ADAMTSL1: variants seen among roughly 807,000 people sequenced by gnomAD.
ADAMTSL1 encodes the protein ADAMTS-like protein 1.
Under a neutral mutation model 201.8 loss-of-function variants are expected in ADAMTSL1, and 126 were observed. The ratio of observed to expected loss-of-function variants is 0.62; its 90% CI spans 0.54 to 0.72. The LOEUF (loss-of-function observed/expected upper bound fraction) is 0.72. Among genes scored for constraint, ADAMTSL1 ranks in the 30% least tolerant of loss-of-function variants. The probability of loss-of-function intolerance (pLI) is 0.00; values close to 1 mark genes in which losing one functional copy is unlikely to be tolerated. For synonymous variants in ADAMTSL1, 1,121 were observed against 903.4 expected, an observed-to-expected ratio of 1.24 and a Z score of -4.32; for missense variants, 2,679 against 2,277.8, an observed-to-expected ratio of 1.18 and a Z score of -3.59.
intron 2 of ADAMTSL1, among the ~76,000 whole-genome samples, chr9:18,436,613 T>C (rs1819743797): frequency 6.6e-6 from 1 of 152,138 alleles, no homozygotes; most frequent in Non-Finnish European, 1.5e-5. Flanking sequence ...TAAACTGCCC[T>C]TGCCCAGGTC....
At chr9:17,936,590 G>C (rs1243129900) in intron 1 of ADAMTSL1, among the ~76,000 whole-genome samples, 1 of 152,164 alleles carries the variant, frequency 6.6e-6, no homozygotes, top group African/African-American at 2.4e-5. Context: ...TGCCGCTCAG[G>C]CCATAAATAC....
chr9:18,530,344 A>G (rs1199074601), intron 2 of ADAMTSL1, among the ~76,000 whole-genome samples: 3 of 152,278 alleles, frequency 2.0e-5, no homozygotes, highest in South Asian at 4.1e-4. Flanking sequence ...TTAGGTAAAA[A>G]ATTTTTAAAA....
At chr9:18,314,637 T>G (rs998078773) in intron 2 of ADAMTSL1, among the ~76,000 whole-genome samples, 1 of 151,886 alleles carries the variant, frequency 6.6e-6, no homozygotes, top group Non-Finnish European at 1.5e-5. Flanking sequence ...GCTGCAGACC[T>G]TTGCGGTGAG....
At chr9:18,798,780 T>C (rs897350133) in intron 20 of ADAMTSL1, among the ~76,000 whole-genome samples, 1 of 152,250 alleles carries the variant, frequency 6.6e-6, no homozygotes, top group Admixed American at 6.5e-5. Flanking sequence ...GTCCCGTAGA[T>C]CTGGTGTCTT....
Position 18,754,374 on chromosome 9 carries a change from A to T in ADAMTSL1, c.2217+866A>T, listed in dbSNP as rs376780357. 3.9e-5 allele frequency among the ~76,000 whole-genome samples: 6 copies of T among 152,342 alleles called. No homozygotes were observed. The East Asian group carries it at 1.2e-3, about 29-fold the overall frequency. ...AAACACAGGATTTTAGGTTGATTGC[A>T]TACAATCTTATTTTGCAGTTTGCTC... On this transcript the variant is annotated intron_variant, in intron 16 of 28. Transcript: ENST00000380548.
intron 1 of ADAMTSL1, among the ~76,000 whole-genome samples, chr9:18,125,179 G>A (rs981320411): frequency 6.6e-6 from 1 of 152,190 alleles, no homozygotes; most frequent in African/African-American, 2.4e-5. Context: ...CACAATCATG[G>A]TGGAAGGCAA....
chr9:18,682,968 G>C (rs1261119765), intron 12 of ADAMTSL1, among the ~76,000 whole-genome samples: 1 of 152,170 alleles, frequency 6.6e-6, no homozygotes, highest in Non-Finnish European at 1.5e-5. Context: ...GGTTAAATGA[G>C]ATATAACATA....
chr9:18,668,899 G>C (rs1324193949), intron 9 of ADAMTSL1, among the ~76,000 whole-genome samples: 1 of 152,212 alleles, frequency 6.6e-6, no homozygotes, highest in Non-Finnish European at 1.5e-5. Flanking sequence ...AAAAACTGAA[G>C]CTCAGAGAGG....
intron 1 of ADAMTSL1, among the ~76,000 whole-genome samples, chr9:17,937,344 A>G (rs1221735813): frequency 1.3e-5 from 2 of 152,028 alleles, no homozygotes; most frequent in East Asian, 3.9e-4. Context: ...AGCAATCAGT[A>G]CAGAGTTGAA....
Position 18,908,663 on chromosome 9 carries a change from C to G in ADAMTSL1, c.*115C>G. ...TATTTATTTCCCCCTCCCCACTCCA[C>G]ACACACCCTTCCAACCTCCTCCACC... is the stretch of plus-strand genomic sequence containing the variant. On this transcript the variant is annotated 3_prime_UTR_variant, in exon 29 of 29. Transcript: ENST00000380548. The G allele has an allele frequency of 1.2e-6, 1 of 822,796 alleles. No homozygotes were observed. The highest frequency in any genetic ancestry group is 1.9e-6 in the Non-Finnish European group (1 of 529,532). 51.0% of individuals were successfully genotyped at this position (822,796 alleles called of 1,614,324 possible).
chr9:18,640,440 A>G (rs1827368169), intron 7 of ADAMTSL1, among the ~76,000 whole-genome samples: 1 of 152,088 alleles, frequency 6.6e-6, no homozygotes, highest in African/African-American at 2.4e-5. Flanking sequence ...TACTATAGTA[A>G]TTTCCCTAGT....
rs148716650 is a variant in ADAMTSL1, at chr9:18,007,179, A to T, written c.87+100257A>T. On this transcript the variant is annotated intron_variant, in intron 1 of 29. Transcript: ENST00000680146. ...AACACAGTTTAAGCCAGGTTCCTCAAACTCATCACAGAACTCCTTTTCCAT... is the reference window on the plus strand; with the variant it reads ...AACACAGTTTAAGCCAGGTTCCTCATACTCATCACAGAACTCCTTTTCCAT... 3.3e-5 allele frequency among the ~76,000 whole-genome samples: 5 copies of T among 152,166 alleles called. No homozygotes were observed. The East Asian group carries it at 9.7e-4, about 30-fold the overall frequency.
At chr9:18,694,873 G>A (rs1190581707) in intron 13 of ADAMTSL1, among the ~76,000 whole-genome samples, 1 of 152,210 alleles carries the variant, frequency 6.6e-6, no homozygotes, top group African/African-American at 2.4e-5. Context: ...CTCTGTTCCT[G>A]CAACAGACTT....
chr9:18,314,705 C>G (rs1586878025), intron 2 of ADAMTSL1, among the ~76,000 whole-genome samples: 1 of 147,810 alleles, frequency 6.8e-6, no homozygotes, highest in South Asian at 2.2e-4. Flanking sequence ...AGGTTTATCT[C>G]GAAGAGCAAA....
intron 1 of ADAMTSL1, among the ~76,000 whole-genome samples, chr9:17,948,905 G>A (rs1036641843): frequency 1.3e-5 from 2 of 152,208 alleles, no homozygotes; most frequent in African/African-American, 4.8e-5. Flanking sequence ...ATCCTCTCTA[G>A]AAGGTTGATA....
chr9:18,430,924 A>T (rs1447310925), intron 2 of ADAMTSL1, among the ~76,000 whole-genome samples: 3 of 152,202 alleles, frequency 2.0e-5, no homozygotes, highest in Non-Finnish European at 4.4e-5. Context: ...ATCTGTACAG[A>T]CATAAAACAG....
intron 2 of ADAMTSL1, among the ~76,000 whole-genome samples, chr9:18,443,708 C>T (rs923949331): frequency 6.6e-6 from 1 of 152,172 alleles, no homozygotes; most frequent in Non-Finnish European, 1.5e-5. Flanking sequence ...TTTAGTTTCT[C>T]CCCAAAGATA....
chr9:18,064,218 G>T (rs1206842936), intron 1 of ADAMTSL1, among the ~76,000 whole-genome samples: 1 of 152,118 alleles, frequency 6.6e-6, no homozygotes, highest in Non-Finnish European at 1.5e-5. Flanking sequence ...GCAAGGAGAA[G>T]GGTGTGGGTT....
At chr9:18,445,988 G>T (rs1369742807) in intron 2 of ADAMTSL1, among the ~76,000 whole-genome samples, 2 of 152,060 alleles carry the variant, frequency 1.3e-5, no homozygotes, top group Non-Finnish European at 2.9e-5. Context: ...AATAAACTGT[G>T]GTTCATGAAG....
Sources: gnomAD v4.1 joint callset for allele counts (sites outside exome capture counted in the v4.1 genomes callset) on GRCh38, gnomAD v4.1.1 for gene constraint, MANE v1.5 for transcripts, NCBI Gene and HGNC (gene_info 2026-07-23, HGNC 2026-07-21) for gene names.